The following SH2D3A variants were observed in gnomAD, a reference collection of about 807,000 sequenced individuals.
SH2D3A encodes the protein SH2 domain-containing protein 3A.
In SH2D3A, 46 loss-of-function variants were observed where a neutral mutation model predicts 50.6. That is an observed-to-expected ratio of 0.91 (90% CI 0.72 to 1.16). The LOEUF is 1.16. SH2D3A is among the 50% of genes most tolerant of loss of function. The pLI, the probability that SH2D3A is intolerant of heterozygous loss-of-function variation, is 0.00. For missense variants in SH2D3A, 783 were observed against 786.2 expected, an observed-to-expected ratio of 1.00 and a Z score of 0.05; for synonymous variants, 377 against 348.4, an observed-to-expected ratio of 1.08 and a Z score of -0.91.
At chr19:6,756,781 AG>A (rs1223450427) in intron 4 of SH2D3A, among the ~76,000 whole-genome samples, 1 of 152,052 alleles carries the variant, frequency 6.6e-6, no homozygotes, top group Non-Finnish European at 1.5e-5. Flanking sequence ...TCTGAGCCCC[AG>A]GGTCTCTCTC....
intron 4 of SH2D3A, among the ~76,000 whole-genome samples, chr19:6,756,542 C>T (rs1286256259): frequency 6.6e-6 from 1 of 152,186 alleles, no homozygotes; most frequent in East Asian, 1.9e-4. Flanking sequence ...GACCCCTCCT[C>T]TAAGTTCCCT....
intron 8 of SH2D3A, 136 bp from the exon 9 acceptor site, chr19:6,753,777 A>G: frequency 9.8e-7 from 1 of 1,021,274 alleles, no homozygotes; most frequent in Non-Finnish European, 1.4e-6. Context: ...CCAGGACCAC[A>G]CGCCCCGTAT....
At chr19:6,756,653 CTG>C (rs1969697802) in intron 4 of SH2D3A, among the ~76,000 whole-genome samples, 1 of 152,048 alleles carries the variant, frequency 6.6e-6, no homozygotes, top group Non-Finnish European at 1.5e-5. Flanking sequence ...TTTTGGGAGA[CTG>C]TATTTACCAT....
intron 3 of SH2D3A, among the ~76,000 whole-genome samples, 164 bp from the exon 4 acceptor site, chr19:6,759,834 T>G (rs56408517): frequency 0.12 from 17,548 of 152,208 alleles, 1,101 homozygotes; most frequent in South Asian, 0.21. Flanking sequence ...CATCTTTAGT[T>G]GTCACAACTA....
At position 6,760,684 on chromosome 19, in the gene SH2D3A, T is replaced by C. The variant is rs1404989748; in HGVS notation, c.373A>G (p.Ser125Gly). Residue 125 changes from serine to glycine, a missense_variant, in exon 3 of 10, where the codon AGC (serine) becomes GGC (glycine). Coordinates refer to ENST00000245908, the MANE Select transcript of SH2D3A (RefSeq NM_005490.3). ...TWQGPLRRSF[S>G]EDTLMDGPAR... is the part of the protein sequence containing the mutation. ...GGGCCATCCATCAGGGTGTCCTCGC[T>C]AAAGCTGCGTCGCAGAGGCCCCTGC... is the stretch of plus-strand genomic sequence containing the variant. The C allele has an allele frequency of 1.2e-6, 2 of 1,611,016 alleles. No homozygotes were observed. Among genetic ancestry groups the C allele is most frequent in the South Asian group, 2.2e-5 (2 of 90,782 alleles).
intron 6 of SH2D3A, 50 bp from the exon 7 acceptor site, chr19:6,754,475 G>A (rs1969526005): frequency 1.3e-6 from 2 of 1,536,364 alleles, no homozygotes; most frequent in South Asian, 1.2e-5. Flanking sequence ...GGTTTGTAAT[G>A]CAGGGGTGAG....
chr19:6,752,505 C>T lies in SH2D3A; in HGVS notation c.*88G>A, dbSNP rs1969369736. The stretch of plus-strand genomic sequence containing the variant: ...GCACAGGGCAGGATTCCACCTGAGG[C>T]GCGAGGAGCCTGGGACGACTCCTTT... On this transcript the variant is annotated 3_prime_UTR_variant, in exon 10 of 10. Transcript: ENST00000245908. 4.0e-6 allele frequency: 5 copies of T among 1,263,632 alleles called. No homozygotes were observed. In the East Asian group the frequency reaches 8.0e-5, roughly 20 times the overall value. The allele number at this position is 1,263,632 out of a possible 1,614,324, so 78.3% of individuals were successfully genotyped here. A position where few individuals can be genotyped will look rare whatever the true frequency, so the allele number is the denominator to read the frequency against.
chr19:6,763,773 C>T lies in SH2D3A; in HGVS notation c.-25G>A, dbSNP rs1281129835. On this transcript the variant is annotated 5_prime_UTR_variant, in exon 2 of 10. Transcript: ENST00000245908. Reference sequence around the variant, plus strand: ...TGGAGCTCTTGGGAACAGAGGGTGCCAGGGCTGAGCTCTGCACTTTCAACA... The same window carrying T: ...TGGAGCTCTTGGGAACAGAGGGTGCTAGGGCTGAGCTCTGCACTTTCAACA... The T allele has an allele frequency of 1.2e-5, 19 of 1,607,116 alleles. No homozygotes were observed. Among genetic ancestry groups the T allele is most frequent in the Non-Finnish European group, 1.6e-5 (19 of 1,175,986 alleles).
chr19:6,753,736 A>G lies in SH2D3A; in HGVS notation c.1385-95T>C, dbSNP rs959125394. ...GACAAATGCAGGGGCGGGGCTTAGG[A>G]CTGAGCGACAGCGGGGTCTGTGGAG... On this transcript the variant is annotated intron_variant, in intron 8 of 9. Coordinates refer to ENST00000245908, the MANE Select transcript of SH2D3A (RefSeq NM_005490.3). 4.7e-6 allele frequency: 6 copies of G among 1,282,644 alleles called. No homozygotes were observed. The East Asian group carries it at 1.6e-4, about 33-fold the overall frequency. 79.5% of individuals were successfully genotyped at this position (1,282,644 alleles called of 1,614,324 possible).
rs150750355 is a variant in SH2D3A, at chr19:6,762,374, G to A, written c.69+1306C>T. Among the ~76,000 whole-genome samples, 594 of 151,652 alleles carry A rather than the reference G, an allele frequency of 3.9e-3. 3 individuals carry two copies. Among genetic ancestry groups the A allele is most frequent in the African/African-American group, 0.014 (581 of 41,316 alleles). On this transcript the variant is annotated intron_variant, in intron 2 of 9. Coordinates refer to ENST00000245908, the MANE Select transcript of SH2D3A (RefSeq NM_005490.3). ...ACTTTTTTGTATTTTTAGTAGAGAG[G>A]GGGTTTCATCATATAGGTCAGGCTG...
At chr19:6,762,306 C>T (rs923518135) in intron 2 of SH2D3A, among the ~76,000 whole-genome samples, 2 of 152,000 alleles carry the variant, frequency 1.3e-5, no homozygotes, top group Non-Finnish European at 2.9e-5. Context: ...GTCTCAGCCT[C>T]CCGAGTAGCT....
intron 3 of SH2D3A, 54 bp from the exon 4 acceptor site, chr19:6,759,724 A>G (rs1321265466): frequency 1.2e-5 from 19 of 1,555,356 alleles, no homozygotes; most frequent in Non-Finnish European, 1.6e-5. Flanking sequence ...AGTGTCCCCC[A>G]CCAATATCTG....
chr19:6,763,645 A>G, intron 2 of SH2D3A, 35 bp downstream of exon 2: 2 of 1,601,632 alleles, frequency 1.2e-6, no homozygotes, highest in Non-Finnish European at 1.7e-6. Context: ...GAGGCTCCCC[A>G]CCAGATGGTG....
Position 6,763,717 on chromosome 19 carries a change from G to A in SH2D3A, c.32C>T (p.Ala11Val). 6.2e-7 allele frequency: 1 copy of A among 1,612,652 alleles called. No homozygotes were observed. The highest frequency in any genetic ancestry group is 8.5e-7 in the Non-Finnish European group (1 of 1,179,626). Residue 11 changes from alanine (A) to valine (V), a missense_variant, in exon 2 of 10, where the codon GCT (alanine) becomes GTT (valine). Transcript: ENST00000245908. ...GAGGCCGTGGTACCAAGGTTGGCCA[G>A]CAAGGTCTTCTCCATCCTGTGGCAC... MQVPQDGEDL[A>V]GQPWYHGLLS... is the part of the protein sequence containing the mutation.
chr19:6,757,492 T>C (rs567645234), intron 4 of SH2D3A: 1 of 152,094 alleles, frequency 6.6e-6, no homozygotes, highest in Non-Finnish European at 1.5e-5. Context: ...TACCCACTCA[T>C]TTTTTGGTTG....
Position 6,752,701 on chromosome 19 carries a change from C to A in SH2D3A, c.1623G>T (p.Arg541=). ...CGCCCCGGCTACCCCAGAGCAGCCT[C>A]CGCACGAAGCCGGTGGTCAGGGCCT... ...LREALTTGFV[R]RLLWGSRGAG... The change falls in exon 10 of 10, where the codon CGG becomes CGT. Residue 541 remains arginine (R), a synonymous_variant. Transcript: ENST00000245908. 6.4e-7 allele frequency: 1 copy of A among 1,552,322 alleles called. No homozygotes were observed. The highest frequency in any genetic ancestry group is 8.7e-7 in the Non-Finnish European group (1 of 1,147,582).
chr19:6,759,776 C>G, intron 3 of SH2D3A, 106 bp from the exon 4 acceptor site: 1 of 1,122,626 alleles, frequency 8.9e-7, no homozygotes, highest in Non-Finnish European at 1.3e-6. Context: ...TGAGTCTCAA[C>G]CAATCAAGGT....
At chr19:6,761,094 G>T in intron 2 of SH2D3A, 107 bp from the exon 3 acceptor site, 1 of 883,504 alleles carries the variant, frequency 1.1e-6, no homozygotes, top group East Asian at 2.7e-5. Flanking sequence ...AGCTACCCCA[G>T]TGAAACTTCT....
rs1180536045 is a variant in SH2D3A, at chr19:6,754,607, C to G, written c.1097+9G>C. ...CTCCCCCAACCAAGATTACAAGCTGCTGGCTCACCTCTCCAGCAGTTCCAA... is the reference window on the plus strand; with the variant it reads ...CTCCCCCAACCAAGATTACAAGCTGGTGGCTCACCTCTCCAGCAGTTCCAA... On this transcript the variant is annotated intron_variant, in intron 6 of 9. Coordinates refer to ENST00000245908, the MANE Select transcript of SH2D3A (RefSeq NM_005490.3). The G allele has an allele frequency of 3.1e-6, 5 of 1,614,010 alleles. No individual in the cohort carries two copies. The highest frequency in any genetic ancestry group is 1.7e-5 in the Admixed American group (1 of 60,000).
Sources: gnomAD v4.1 joint callset for allele counts (sites outside exome capture counted in the v4.1 genomes callset) on GRCh38, gnomAD v4.1.1 for gene constraint, MANE v1.5 for transcripts, NCBI Gene and HGNC (gene_info 2026-07-23, HGNC 2026-07-21) for gene names.